The following CREBBP variants were observed in gnomAD, a reference collection of about 807,000 sequenced individuals.
The protein encoded by CREBBP is CREB-binding protein.
A neutral mutation model predicts 265.0 loss-of-function variants in CREBBP; 19 were observed. The observed-to-expected ratio is 0.07, with a 90% CI of 0.05 to 0.11. The LOEUF (loss-of-function observed/expected upper bound fraction) is 0.11, where lower values mean the gene tolerates loss of function less well. Ranked by LOEUF, CREBBP falls within the 10% of genes least tolerant of loss-of-function variation. The probability of loss-of-function intolerance (pLI) is 1.00; values close to 1 mark genes in which losing one functional copy is unlikely to be tolerated. For synonymous variants in CREBBP, 1,457 were observed against 1,223.7 expected, an observed-to-expected ratio of 1.19 and a Z score of -3.98; for missense variants, 2,525 against 3,219.0, an observed-to-expected ratio of 0.78 and a Z score of 5.22.
rs374563458 is a variant in CREBBP at position 3,740,379 on chromosome 16, T to C, written c.4133+20A>G. The C allele has an allele frequency of 3.1e-6, 5 of 1,613,836 alleles. No homozygotes were observed. In the African/African-American group the frequency reaches 5.3e-5, roughly 17 times the overall value. On this transcript the variant is annotated intron_variant, in intron 24 of 30. Coordinates refer to ENST00000262367, the MANE Select transcript of CREBBP (RefSeq NM_004380.3). The stretch of plus-strand genomic sequence containing the variant: ...CGTGGGGACTGCTCGCAGAGCACTG[T>C]AGAGAGCAGGCACACTGACCGTGAC...
Position 3,725,582 on chromosome 16 carries a change from T to C in CREBBP, c.*2136A>G, listed in dbSNP as rs8059201. The C allele has an allele frequency of 5.3e-4, 124 of 233,284 alleles. 1 individual carries two copies. The highest frequency in any genetic ancestry group is 2.7e-3 in the African/African-American group (121 of 45,468). 14.5% of individuals were successfully genotyped at this position (233,284 alleles called of 1,614,324 possible). A position where few individuals can be genotyped will look rare whatever the true frequency, so the allele number is the denominator to read the frequency against. On this transcript the variant is annotated 3_prime_UTR_variant, in exon 31 of 31. Coordinates refer to ENST00000262367, the MANE Select transcript of CREBBP (RefSeq NM_004380.3). Reference sequence around the variant, plus strand: ...TCTCCACCGGAGGCCCGGCCTGTGCTTCCCCTCCTGGGATGGGGTGAATGG... The same window carrying C: ...TCTCCACCGGAGGCCCGGCCTGTGCCTCCCCTCCTGGGATGGGGTGAATGG...
intron 2 of CREBBP, among the ~76,000 whole-genome samples, chr16:3,812,410 C>T (rs2053956117): frequency 6.6e-6 from 1 of 152,000 alleles, no homozygotes; most frequent in Admixed American, 6.6e-5. Flanking sequence ...AACTCCTGAC[C>T]TCAGGTGATC....
At chr16:3,832,316 G>A (rs2054359121) in intron 2 of CREBBP, among the ~76,000 whole-genome samples, 1 of 152,074 alleles carries the variant, frequency 6.6e-6, no homozygotes, top group Admixed American at 6.5e-5. Flanking sequence ...ACAATTCCCA[G>A]GTAACTTCAT....
rs1378744740 is a variant in CREBBP, at chr16:3,799,912, AT to A, written c.976-6287del. On this transcript the variant is annotated intron_variant, in intron 3 of 30. Coordinates refer to ENST00000262367, the MANE Select transcript of CREBBP (RefSeq NM_004380.3). ...ACAAAAAGCTGTTTAAGTGACTACTATTTTAATACCAAAAAGCATTCCATTT... is the reference window on the plus strand; with the variant it reads ...ACAAAAAGCTGTTTAAGTGACTACTATTTAATACCAAAAAGCATTCCATTT... Among the ~76,000 whole-genome samples, 7 of 152,370 alleles carry A rather than the reference AT, an allele frequency of 4.6e-5. No homozygotes were observed. In the East Asian group the frequency reaches 1.3e-3, roughly 29 times the overall value.
At chr16:3,749,591 A>G in intron 21 of CREBBP, 36 bp downstream of exon 21, 1 of 1,513,766 alleles carries the variant, frequency 6.6e-7, no homozygotes, top group Non-Finnish European at 9.2e-7. Flanking sequence ...TTTCAAACCA[A>G]AACTGAAAGT....
chr16:3,735,027 C>T (rs2052016507), intron 28 of CREBBP, among the ~76,000 whole-genome samples: 1 of 152,066 alleles, frequency 6.6e-6, no homozygotes, highest in African/African-American at 2.4e-5. Context: ...TCATCGCTCT[C>T]CCTGCACCTA....
intron 2 of CREBBP, among the ~76,000 whole-genome samples, chr16:3,828,344 G>A (rs535291366): frequency 1.3e-4 from 20 of 152,156 alleles, no homozygotes; most frequent in African/African-American, 4.6e-4. Flanking sequence ...CACCCGCCTC[G>A]GCCTCCCAAA....
intron 11 of CREBBP, among the ~76,000 whole-genome samples, chr16:3,776,326 G>A (rs2053137374): frequency 6.6e-6 from 1 of 152,042 alleles, no homozygotes; most frequent in Non-Finnish European, 1.5e-5. Context: ...ATGTCCTCCT[G>A]CTTGGGTCTC....
At chr16:3,741,610 G>C (rs1210704658) in intron 23 of CREBBP, 1 of 150,582 alleles carries the variant, frequency 6.6e-6, no homozygotes, top group Non-Finnish European at 1.5e-5. Context: ...TTCAAGACCA[G>C]CCTGACCAAA....
chr16:3,849,371 TCTTGGC>T (rs931654765), intron 2 of CREBBP, among the ~76,000 whole-genome samples: 6 of 135,334 alleles, frequency 4.4e-5, no homozygotes, highest in African/African-American at 6.0e-5. Context: ...CTAGCAGAGC[TCTTGGC>T]CGTGTGTGTG....
Position 3,767,611 on chromosome 16 carries a change from A to G in CREBBP, c.3250+109T>C, listed in dbSNP as rs1320547902. On this transcript the variant is annotated intron_variant, in intron 16 of 30. Transcript: ENST00000262367. ...TGGGGAATGGCAGGCAAGAAAGGTA[A>G]AAGGGCAGATAGAATTATGTTTCTA... is the stretch of plus-strand genomic sequence containing the variant. 2.1e-6 allele frequency: 3 copies of G among 1,463,188 alleles called. No homozygotes were observed. In the African/African-American group the frequency reaches 4.2e-5, roughly 20 times the overall value. 90.6% of individuals were successfully genotyped at this position (1,463,188 alleles called of 1,614,324 possible).
At chr16:3,858,866 T>C (rs1333013343) in intron 1 of CREBBP, among the ~76,000 whole-genome samples, 1 of 152,208 alleles carries the variant, frequency 6.6e-6, no homozygotes, top group Admixed American at 6.5e-5. Flanking sequence ...CTAGAATTGA[T>C]ACACAGATTA....
At position 3,726,131 on chromosome 16, in the gene CREBBP, A is replaced by T. The variant is rs1315264902; in HGVS notation, c.*1587T>A. On this transcript the variant is annotated 3_prime_UTR_variant, in exon 31 of 31. Transcript: ENST00000262367. Reference sequence around the variant, plus strand: ...GGTGTCTGTCCCTCAGCATTTCCTCAAACGCCACACGGGACATGCTGCGCG... The same window carrying T: ...GGTGTCTGTCCCTCAGCATTTCCTCTAACGCCACACGGGACATGCTGCGCG... The T allele has an allele frequency of 1.3e-5, 3 of 232,630 alleles. No individual in the cohort carries two copies. Among genetic ancestry groups the T allele is most frequent in the Admixed American group, 5.6e-5 (1 of 17,760 alleles). 14.4% of individuals were successfully genotyped at this position (232,630 alleles called of 1,614,324 possible).
rs74005855 is a variant in CREBBP, at chr16:3,755,646, G to A, written c.3698+1642C>T. Among the ~76,000 whole-genome samples, 1,411 of 152,242 alleles carry A rather than the reference G, an allele frequency of 9.3e-3. 28 individuals carry two copies. The highest frequency in any genetic ancestry group is 0.032 in the African/African-American group (1,349 of 41,542). On this transcript the variant is annotated intron_variant, in intron 19 of 30. Coordinates refer to ENST00000262367, the MANE Select transcript of CREBBP (RefSeq NM_004380.3). ...TCATGGGGCTAAAAGCATAAAAGGA[G>A]TGGCCAGAACTTCCCAAAGAGCAGC...
intron 21 of CREBBP, chr16:3,745,691 A>T (rs901057095): frequency 4.9e-6 from 2 of 404,552 alleles, no homozygotes; most frequent in Non-Finnish European, 9.3e-6. Context: ...CACATTTGCA[A>T]GAACAATGCC....
intron 1 of CREBBP, among the ~76,000 whole-genome samples, chr16:3,877,238 C>T (rs1339494730): frequency 1.3e-5 from 2 of 152,230 alleles, no homozygotes; most frequent in African/African-American, 4.8e-5. Context: ...GATTGAGTTC[C>T]TCAAGAATGT....
chr16:3,830,892 G>T (rs1224396102), intron 2 of CREBBP, among the ~76,000 whole-genome samples: 2 of 151,994 alleles, frequency 1.3e-5, no homozygotes, highest in Non-Finnish European at 2.9e-5. Flanking sequence ...AGCGATTTTT[G>T]TATCTCAGCC....
intron 2 of CREBBP, among the ~76,000 whole-genome samples, chr16:3,849,434 T>TGTGTGTGTGTG (rs2054756121): frequency 1.6e-3 from 16 of 10,082 alleles, no homozygotes; most frequent in Non-Finnish European, 5.6e-3. Flanking sequence ...TGTGTGTGTG[T>TGTGTGTGTGTG]GTGTGTGTGT....
intron 28 of CREBBP, among the ~76,000 whole-genome samples, chr16:3,735,057 C>T (rs918660243): frequency 7.9e-5 from 12 of 152,226 alleles, no homozygotes; most frequent in African/African-American, 1.2e-4. Context: ...CCCACACCCA[C>T]GCCACCATCA....
Sources: allele counts gnomAD v4.1 joint callset (sites outside exome capture counted in the v4.1 genomes callset), GRCh38; gene constraint gnomAD v4.1.1; transcripts MANE v1.5; gene names NCBI Gene and HGNC (gene_info 2026-07-23, HGNC 2026-07-21).